PLET1: variants seen among roughly 807,000 people sequenced by gnomAD.
The protein encoded by PLET1 is placenta expressed transcript 1.
PLET1 carries 20 observed loss-of-function variants against 18.5 expected under a neutral mutation model. That is an observed-to-expected ratio of 1.08 (90% CI 0.76 to 1.57). The LOEUF (loss-of-function observed/expected upper bound fraction) is 1.57. PLET1 is among the 40% of genes most tolerant of loss of function. The pLI is 0.00. For missense variants in PLET1, 256 were observed against 246.4 expected (o/e 1.04, Z -0.26); for synonymous variants, 93 against 93.8 (o/e 0.99, Z 0.05).
intron 1 of PLET1, among the ~76,000 whole-genome samples, chr11:112,256,529 C>T (rs1344104360): frequency 6.6e-6 from 1 of 152,184 alleles, no homozygotes; most frequent in East Asian, 1.9e-4. Flanking sequence ...CCGCTTTGCA[C>T]CTGGCCTGGT....
intron 2 of PLET1, among the ~76,000 whole-genome samples, chr11:112,253,315 G>GACGT (rs1555199585): frequency 2.0e-5 from 3 of 151,998 alleles, no homozygotes; most frequent in African/African-American, 7.3e-5. Context: ...CATGAGTAGG[G>GACGT]ACCTCTTCCC....
chr11:112,249,106 A>G, intron 3 of PLET1, 132 bp from the exon 4 acceptor site: 6 of 832,478 alleles, frequency 7.2e-6, no homozygotes, highest in Non-Finnish European at 9.4e-6. Context: ...GCAAAATTCA[A>G]TCAACCCTTC....
At chr11:112,252,278 C>A (rs2135416652) in intron 3 of PLET1, 70 bp downstream of exon 3, 2 of 1,385,544 alleles carry the variant, frequency 1.4e-6, no homozygotes, top group Non-Finnish European at 2.0e-6. Context: ...TTCTAGGGAA[C>A]CCACAAGGTA....
In PLET1 at chr11:112,260,316, T is replaced by C. The variant is rs968027521; in HGVS notation, c.184+90A>G. ...TTCAGAAGACACATGTTTTGTATAA[T>C]TGAGAGTAGCGATAGAGGGGTGTGT... On this transcript the variant is annotated intron_variant, in intron 1 of 3. Coordinates refer to ENST00000338832, the MANE Select transcript of PLET1 (RefSeq NM_001145024.1). 24 of 1,241,910 alleles carry C rather than the reference T, an allele frequency of 1.9e-5. No individual in the cohort carries two copies. In the African/African-American group the frequency reaches 2.6e-4, roughly 13 times the overall value. The allele number at this position is 1,241,910 out of a possible 1,614,324, so 76.9% of individuals were successfully genotyped here.
At chr11:112,250,155 T>G (rs947383966) in intron 3 of PLET1, among the ~76,000 whole-genome samples, 1 of 151,010 alleles carries the variant, frequency 6.6e-6, no homozygotes, top group African/African-American at 2.4e-5. Flanking sequence ...AACTACTTTC[T>G]TTTTCTTTTT....
At chr11:112,256,157 T>C (rs371403859) in intron 1 of PLET1, among the ~76,000 whole-genome samples, 119 of 152,338 alleles carry the variant, frequency 7.8e-4, no homozygotes, top group African/African-American at 2.7e-3. Flanking sequence ...ACAGGGGCCC[T>C]AACTCCTTAG....
At chr11:112,257,906 G>A (rs1860240413) in intron 1 of PLET1, among the ~76,000 whole-genome samples, 1 of 152,236 alleles carries the variant, frequency 6.6e-6, no homozygotes, top group South Asian at 2.1e-4. Context: ...CACCTGCAAG[G>A]CAATCGTGGA....
At chr11:112,257,040 C>G (rs936023339) in intron 1 of PLET1, among the ~76,000 whole-genome samples, 1 of 152,228 alleles carries the variant, frequency 6.6e-6, no homozygotes, top group Admixed American at 6.5e-5. Context: ...TCAGAACACA[C>G]TCCTGTCCAA....
intron 2 of PLET1, among the ~76,000 whole-genome samples, chr11:112,253,323 C>T (rs114155426): frequency 0.036 from 5,525 of 152,184 alleles, 252 homozygotes; most frequent in African/African-American, 0.11. Flanking sequence ...GGGACCTCTT[C>T]CCATCCCTTT....
chr11:112,254,485 ATGTG>A (rs1165391814), intron 2 of PLET1, among the ~76,000 whole-genome samples: 2 of 113,956 alleles, frequency 1.8e-5, no homozygotes, highest in South Asian at 3.0e-4. Context: ...TGTGGTATGT[ATGTG>A]TGTGTGGCAT....
intron 2 of PLET1, 113 bp from the exon 3 acceptor site, chr11:112,252,522 G>T: frequency 6.8e-6 from 6 of 883,340 alleles, no homozygotes; most frequent in Non-Finnish European, 7.2e-6. Context: ...CTTACTTTCT[G>T]TATGGCACAA....
Position 112,255,460 on chromosome 11 carries a change from T to A in PLET1, c.314A>T (p.Asp105Val), listed in dbSNP as rs1190308311. ...CYSNSTYYVKDQYMTVLEAQW... is the reference protein window; with the variant it reads ...CYSNSTYYVKVQYMTVLEAQW... ...TGCCTCTAAGACCGTCATGTATTGA[T>A]CTTTCACGTAATACGTGGAGTTGCT... Residue 105 changes from aspartate (D) to valine (V), a missense_variant, in exon 2 of 4, where the codon GAT (aspartate) becomes GTT (valine). Physicochemically the swap from Asp to Val is radical, Grantham distance 152 (BLOSUM62 -3). Transcript: ENST00000338832. The A allele has an allele frequency of 6.4e-7, 1 of 1,552,184 alleles. No homozygotes were observed. Among genetic ancestry groups the A allele is most frequent in the Non-Finnish European group, 8.7e-7 (1 of 1,147,084 alleles).
In PLET1 at chr11:112,248,899, C is replaced by T. The variant is rs1368177878; in HGVS notation, c.524G>A (p.Ser175Asn). The T allele has an allele frequency of 1.3e-6, 2 of 1,551,410 alleles. No individual in the cohort carries two copies. The highest frequency in any genetic ancestry group is 1.4e-5 in the African/African-American group (1 of 73,086). The change falls in exon 4 of 4, where the codon AGT becomes AAT. Residue 175 changes from serine to asparagine, a missense_variant. By Grantham distance (46) the Ser-to-Asn change is conservative (BLOSUM62 1). Coordinates refer to ENST00000338832, the MANE Select transcript of PLET1 (RefSeq NM_001145024.1). ...FKPFFMITPK[S>N]IRLEGLANQV... ...GTTGGCCAAGCCTTCGAGTCTGATACTCTTGGGTGTAATCATGAAGAAAGG... is the reference window on the plus strand; with the variant it reads ...GTTGGCCAAGCCTTCGAGTCTGATATTCTTGGGTGTAATCATGAAGAAAGG...
Position 112,255,414 on chromosome 11 carries a change from A to G in PLET1, c.360T>C (p.Pro120=). ...GTATCTCCACTTCAGTTATGTTCTC[A>G]GGTTCAGGAGCTTGCCACTGTGCCT... ...VLEAQWQAPE[P]ENITEVEIQA... The change falls in exon 2 of 4, where the codon CCT becomes CCC. Residue 120 remains proline (P), a synonymous_variant. Transcript: ENST00000338832. 6.4e-7 allele frequency: 1 copy of G among 1,552,294 alleles called. No individual in the cohort carries two copies. Among genetic ancestry groups the G allele is most frequent in the Non-Finnish European group, 8.7e-7 (1 of 1,147,084 alleles).
intron 2 of PLET1, 109 bp downstream of exon 2, chr11:112,255,279 C>T: frequency 8.7e-7 from 1 of 1,149,076 alleles, no homozygotes; most frequent in Middle Eastern, 2.7e-4. Flanking sequence ...CTGCTGAGTT[C>T]TCCATATCAC....
At chr11:112,252,307 G>A (rs2135416656) in intron 3 of PLET1, 41 bp downstream of exon 3, 2 of 1,512,662 alleles carry the variant, frequency 1.3e-6, no homozygotes, top group East Asian at 4.9e-5. Flanking sequence ...GGCTGACTGA[G>A]TTCATTGCAA....
chr11:112,255,476 T>C lies in PLET1; in HGVS notation c.298A>G (p.Thr100Ala), dbSNP rs746935437. Residue 100 changes from threonine to alanine, a missense_variant, in exon 2 of 4, where the codon ACG becomes GCG. Transcript: ENST00000338832. ...RADKNCYSNS[T>A]YYVKDQYMTV... ...ATGTATTGATCTTTCACGTAATACGTGGAGTTGCTGTAGCAATTTTTATCC... is the reference window on the plus strand; with the variant it reads ...ATGTATTGATCTTTCACGTAATACGCGGAGTTGCTGTAGCAATTTTTATCC... The C allele has an allele frequency of 4.3e-5, 66 of 1,552,062 alleles. No individual in the cohort carries two copies. The highest frequency in any genetic ancestry group is 5.3e-5 in the Non-Finnish European group (61 of 1,147,048).
At chr11:112,254,333 G>A (rs1462279608) in intron 2 of PLET1, among the ~76,000 whole-genome samples, 1 of 76,880 alleles carries the variant, frequency 1.3e-5, no homozygotes, top group African/African-American at 3.8e-5. Flanking sequence ...GTGTGGGGGT[G>A]GTGTGTGGTG....
At position 112,260,599 on chromosome 11, in the gene PLET1, C is replaced by A; in HGVS notation, c.-10G>T. ...CATGGAAGACTGCCATGGTCTCAGT[C>A]TGTTTGGAAAGTGCTAGGCCTGGAA... On this transcript the variant is annotated 5_prime_UTR_variant, in exon 1 of 4. Coordinates refer to ENST00000338832, the MANE Select transcript of PLET1 (RefSeq NM_001145024.1). 1 of 1,549,012 alleles carries A rather than the reference C, an allele frequency of 6.5e-7. No homozygotes were observed. Among genetic ancestry groups the A allele is most frequent in the South Asian group, 1.2e-5 (1 of 83,694 alleles).
Sources: allele counts gnomAD v4.1 joint callset (sites outside exome capture counted in the v4.1 genomes callset), GRCh38; gene constraint gnomAD v4.1.1; transcripts MANE v1.5; gene names NCBI Gene and HGNC (gene_info 2026-07-23, HGNC 2026-07-21).